Variants in KHDRBS3 observed in about 807,000 individuals in gnomAD.
The protein encoded by KHDRBS3 is KH domain-containing, RNA-binding, signal transduction-associated protein 3.
A neutral mutation model predicts 45.6 loss-of-function variants in KHDRBS3; 23 were observed. That is an observed-to-expected ratio of 0.50 (90% CI 0.36 to 0.72). The LOEUF is 0.72. Among genes scored for constraint, KHDRBS3 ranks in the 30% least tolerant of loss-of-function variants. KHDRBS3 has a pLI of 0.00. For missense variants in KHDRBS3, 352 were observed against 424.8 expected (o/e 0.83, Z 1.51); for synonymous variants, 162 against 156.5 (o/e 1.04, Z -0.26).
intron 1 of KHDRBS3, among the ~76,000 whole-genome samples, chr8:135,492,696 A>G (rs1247668059): frequency 6.6e-6 from 1 of 152,076 alleles, no homozygotes; most frequent in Non-Finnish European, 1.5e-5. Flanking sequence ...ATTGATTATT[A>G]GAGCATCTTA....
At chr8:135,645,204 A>G (rs1831234853) in intron 8 of KHDRBS3, 87 bp downstream of exon 8, 6 of 1,367,286 alleles carry the variant, frequency 4.4e-6, no homozygotes, top group Non-Finnish European at 4.1e-6. Flanking sequence ...GAGAATAAGG[A>G]CATTTGGACT....
chr8:135,483,088 T>C (rs1304430686), intron 1 of KHDRBS3, among the ~76,000 whole-genome samples: 1 of 152,176 alleles, frequency 6.6e-6, no homozygotes, highest in Non-Finnish European at 1.5e-5. Context: ...TCAAATATCT[T>C]TCTCCACCCC....
chr8:135,475,590 G>A (rs897921386), intron 1 of KHDRBS3, among the ~76,000 whole-genome samples: 1 of 152,040 alleles, frequency 6.6e-6, no homozygotes, highest in African/African-American at 2.4e-5. Context: ...AGGAGCATAG[G>A]TATGGGGGCC....
At chr8:135,521,002 C>G (rs1739870035) in intron 1 of KHDRBS3, among the ~76,000 whole-genome samples, 1 of 152,110 alleles carries the variant, frequency 6.6e-6, no homozygotes, top group Admixed American at 6.5e-5. Context: ...GTCTGTTTTT[C>G]TCCTCTGTTG....
intron 1 of KHDRBS3, among the ~76,000 whole-genome samples, chr8:135,507,221 A>G (rs779647412): frequency 2.0e-5 from 3 of 152,230 alleles, no homozygotes. Flanking sequence ...TTAGCTAGTC[A>G]TGTGTAATAA....
rs1475234172 is a variant in KHDRBS3 at position 135,490,412 on chromosome 8, G to A, written c.89-30825G>A. ...GTCTCCCTACCTCTTACCTGGCAGG[G>A]AGAAGCTCCTGCCATTCCCATCTTA... On this transcript the variant is annotated intron_variant, in intron 1 of 8. Coordinates refer to ENST00000355849, the MANE Select transcript of KHDRBS3 (RefSeq NM_006558.3). Among the ~76,000 whole-genome samples, 4 of 152,058 alleles carry A rather than the reference G, an allele frequency of 2.6e-5. No homozygotes were observed. The East Asian group carries it at 7.7e-4, about 29-fold the overall frequency.
downstream of KHDRBS3, among the ~76,000 whole-genome samples, chr8:135,651,509 A>T (rs1246228439): frequency 6.6e-6 from 1 of 152,094 alleles, no homozygotes; most frequent in African/African-American, 2.4e-5. Flanking sequence ...GCTGGGTAGG[A>T]CAAGGGACAT....
chr8:135,585,440 T>C (rs1353720420), intron 6 of KHDRBS3, among the ~76,000 whole-genome samples: 1 of 152,030 alleles, frequency 6.6e-6, no homozygotes, highest in African/African-American at 2.4e-5. Flanking sequence ...GATTCTAAAT[T>C]CCATGAGGGT....
At chr8:135,522,871 C>T (rs1019520616) in intron 2 of KHDRBS3, among the ~76,000 whole-genome samples, 7 of 151,984 alleles carry the variant, frequency 4.6e-5, no homozygotes, top group Admixed American at 2.6e-4. Context: ...CATCTTTTTT[C>T]CCATATGGTT....
intron 2 of KHDRBS3, among the ~76,000 whole-genome samples, chr8:135,529,167 T>C (rs1364066242): frequency 1.3e-5 from 2 of 152,236 alleles, no homozygotes; most frequent in Non-Finnish European, 2.9e-5. Flanking sequence ...TGTTTTATGA[T>C]GGACGGTTCT....
intron 1 of KHDRBS3, among the ~76,000 whole-genome samples, chr8:135,474,957 C>T (rs1472878623): frequency 1.3e-5 from 2 of 152,200 alleles, no homozygotes; most frequent in East Asian, 1.9e-4. Context: ...TTACATTCCT[C>T]GGCTTGTGGC....
chr8:135,545,369 T>TAAAA (rs1826242690), intron 3 of KHDRBS3, among the ~76,000 whole-genome samples: 1 of 152,208 alleles, frequency 6.6e-6, no homozygotes, highest in African/African-American at 2.4e-5. Context: ...GGCAGGCTTT[T>TAAAA]GCCGTGTGGA....
chr8:135,558,880 G>T (rs1344931306), intron 5 of KHDRBS3, among the ~76,000 whole-genome samples: 1 of 152,134 alleles, frequency 6.6e-6, no homozygotes, highest in Non-Finnish European at 1.5e-5. Flanking sequence ...GTGTTGGCAA[G>T]GTCGTTCTCT....
intron 1 of KHDRBS3, among the ~76,000 whole-genome samples, chr8:135,513,183 G>A (rs1474582919): frequency 6.6e-6 from 1 of 151,754 alleles, no homozygotes; most frequent in East Asian, 1.9e-4. Flanking sequence ...CTGGGCAACA[G>A]AGCAAGACTC....
At chr8:135,493,176 C>G (rs1030774369) in intron 1 of KHDRBS3, among the ~76,000 whole-genome samples, 1 of 151,842 alleles carries the variant, frequency 6.6e-6, no homozygotes, top group Non-Finnish European at 1.5e-5. Context: ...CTCCCGGGTT[C>G]ACACCATTCT....
rs185994603 is a variant in KHDRBS3, at chr8:135,485,579, A to G, written c.88+27625A>G. Among the ~76,000 whole-genome samples the G allele has an allele frequency of 1.6e-4, 25 of 152,198 alleles. No individual in the cohort carries two copies. In the East Asian group the frequency reaches 4.4e-3, roughly 27 times the overall value. On this transcript the variant is annotated intron_variant, in intron 1 of 8. Transcript: ENST00000355849. The stretch of plus-strand genomic sequence containing the variant: ...TTTTGTCAATCCCGTGTTCTCATCT[A>G]AGTTCTTGCTTATTGCAGGAATTTT...
intron 7 of KHDRBS3, among the ~76,000 whole-genome samples, chr8:135,637,446 G>A (rs983419585): frequency 1.3e-5 from 2 of 152,184 alleles, no homozygotes; most frequent in African/African-American, 4.8e-5. Context: ...TAAGCAGTTA[G>A]TAGGTGTTAG....
rs1411750395 is a variant in KHDRBS3 at position 135,469,376 on chromosome 8, C to G, written c.88+11422C>G. Among the ~76,000 whole-genome samples, 8 of 152,264 alleles carry G rather than the reference C, an allele frequency of 5.3e-5. No individual in the cohort carries two copies. The South Asian group carries it at 1.7e-3, about 32-fold the overall frequency. On this transcript the variant is annotated intron_variant, in intron 1 of 8. Transcript: ENST00000355849. Reference sequence around the variant, plus strand: ...CTCGGCTCACTGCAAGCTCCGCCTCCCAGGTTCACGCCATTCTCCTGCCTC... The same window carrying G: ...CTCGGCTCACTGCAAGCTCCGCCTCGCAGGTTCACGCCATTCTCCTGCCTC...
chr8:135,613,572 A>G (rs1256193845), intron 7 of KHDRBS3, among the ~76,000 whole-genome samples: 2 of 151,648 alleles, frequency 1.3e-5, no homozygotes, highest in East Asian at 3.9e-4. Context: ...AGTTCCTGCC[A>G]TCCTTCTGCA....
Sources: allele counts gnomAD v4.1 joint callset (sites outside exome capture counted in the v4.1 genomes callset), GRCh38; gene constraint gnomAD v4.1.1; transcripts MANE v1.5; gene names NCBI Gene and HGNC (gene_info 2026-07-23, HGNC 2026-07-21).